Variants in MFAP3L observed in about 807,000 individuals in gnomAD.
MFAP3L encodes the protein microfibril associated protein 3 like.
A neutral mutation model predicts 20.0 loss-of-function variants in MFAP3L; 5 were observed. The observed-to-expected ratio is 0.25, with a 90% confidence interval of 0.13 to 0.53. MFAP3L has a LOEUF of 0.53. Ranked by LOEUF, MFAP3L falls within the 20% of genes least tolerant of loss-of-function variation. The probability of loss-of-function intolerance (pLI) is 0.96; values close to 1 mark genes in which losing one functional copy is unlikely to be tolerated. For missense variants in MFAP3L, 409 were observed against 527.5 expected, an observed-to-expected ratio of 0.78 and a Z score of 2.20; for synonymous variants, 219 against 213.0, an observed-to-expected ratio of 1.03 and a Z score of -0.25.
chr4:170,023,851 A>T (rs1740184287), intron 1 of MFAP3L, among the ~76,000 whole-genome samples: 1 of 152,250 alleles, frequency 6.6e-6, no homozygotes, highest in Non-Finnish European at 1.5e-5. Flanking sequence ...ATTAAGCACA[A>T]TTTAAAATGC....
At chr4:170,025,258 G>A (rs931116815) in intron 1 of MFAP3L, among the ~76,000 whole-genome samples, 4 of 152,152 alleles carry the variant, frequency 2.6e-5, no homozygotes, top group South Asian at 2.1e-4. Context: ...ATTTTACTAT[G>A]TTCAGCATAG....
At chr4:170,006,044 A>G (rs1311784580) in intron 1 of MFAP3L, 34 bp from the exon 2 acceptor site, 2 of 1,383,908 alleles carry the variant, frequency 1.4e-6, no homozygotes, top group African/African-American at 1.5e-5. Flanking sequence ...TATACACATA[A>G]ACATTAGCAT....
intron 1 of MFAP3L, among the ~76,000 whole-genome samples, chr4:170,018,474 C>T (rs1292916488): frequency 1.3e-5 from 2 of 152,064 alleles, no homozygotes; most frequent in African/African-American, 2.4e-5. Context: ...TACTTAGGCA[C>T]AAGAACTAAC....
rs1248702898 is a variant in MFAP3L at position 169,987,220 on chromosome 4, G to GA, written c.*4157dup. The GA allele has an allele frequency of 6.6e-6, 1 of 152,084 alleles. No homozygotes were observed. Among genetic ancestry groups the GA allele is most frequent in the Non-Finnish European group, 1.5e-5 (1 of 68,008 alleles). The allele number at this position is 152,084 out of a possible 1,614,324, so 9.4% of individuals were successfully genotyped here. A position where few individuals can be genotyped will look rare whatever the true frequency, so the allele number is the denominator to read the frequency against. ...GAAGAAACCCTAAAAATGTCATTAG[G>GA]AAAATAAACTGTGCTATTTACTGAA... On this transcript the variant is annotated 3_prime_UTR_variant, in exon 3 of 3. Coordinates refer to ENST00000361618, the MANE Select transcript of MFAP3L (RefSeq NM_021647.8).
intron 2 of MFAP3L, among the ~76,000 whole-genome samples, chr4:169,999,723 T>C (rs1275555532): frequency 6.6e-6 from 1 of 152,206 alleles, no homozygotes; most frequent in Non-Finnish European, 1.5e-5. Flanking sequence ...AACACACAAA[T>C]GGCGGTTACC....
In MFAP3L at chr4:169,992,048, T is replaced by C. The variant is rs1319657092; in HGVS notation, c.560A>G (p.Asn187Ser). The change falls in exon 3 of 3, where the codon AAT (asparagine) becomes AGT (serine). Residue 187 changes from asparagine (N) to serine (S), a missense_variant. This residue lies in a region of MFAP3L where 127 missense variants were observed against 218.1 expected (regional missense o/e 0.58). Coordinates refer to ENST00000361618, the MANE Select transcript of MFAP3L (RefSeq NM_021647.8). This position sits in a 1 kb window ranked among gnomAD's most constrained non-coding sequence, Gnocchi z 4.3. ...SHLKKTEKAINEFFRTEGAEK... is the reference protein window; with the variant it reads ...SHLKKTEKAISEFFRTEGAEK... ...TGCACCTTCGGTCCTAAAGAACTCATTGATGGCCTTCTCAGTCTTCTTTAG... is the reference window on the plus strand; with the variant it reads ...TGCACCTTCGGTCCTAAAGAACTCACTGATGGCCTTCTCAGTCTTCTTTAG... The C allele has an allele frequency of 6.2e-7, 1 of 1,614,182 alleles. No individual in the cohort carries two copies. The highest frequency in any genetic ancestry group is 1.7e-5 in the Admixed American group (1 of 60,018).
intron 1 of MFAP3L, among the ~76,000 whole-genome samples, chr4:170,008,777 C>T (rs1739196579): frequency 6.6e-6 from 1 of 152,210 alleles, no homozygotes; most frequent in Non-Finnish European, 1.5e-5. Context: ...CTTGACACTG[C>T]TCCCTGGTGT....
chr4:170,003,620 G>A (rs1191335489), intron 2 of MFAP3L: 2 of 899,426 alleles, frequency 2.2e-6, no homozygotes, highest in African/African-American at 3.6e-5. Flanking sequence ...TTCCTCTCTA[G>A]GACTGAGGAG....
At chr4:170,004,313 A>G (rs1042074570) in intron 2 of MFAP3L, among the ~76,000 whole-genome samples, 1 of 152,164 alleles carries the variant, frequency 6.6e-6, no homozygotes, top group African/African-American at 2.4e-5. Context: ...AATGTCTTCA[A>G]TGTGAGTTCT....
At position 169,991,310 on chromosome 4, in the gene MFAP3L, GTAC is replaced by G. The variant is rs1483396386; in HGVS notation, c.*65_*67del. On this transcript the variant is annotated 3_prime_UTR_variant, in exon 3 of 3. Transcript: ENST00000361618. The surrounding 1 kb of genome is among the most constrained non-coding windows in gnomAD (Gnocchi z 4.9). ...CCTGGTAAGGCTTAGCGGCAAGTGC[GTAC>G]TACATCTGTATTACAAGGAGCAGCC... 5 of 1,498,068 alleles carry G rather than the reference GTAC, an allele frequency of 3.3e-6. No individual in the cohort carries two copies. In the African/African-American group the frequency reaches 7.0e-5, roughly 21 times the overall value. 92.8% of individuals were successfully genotyped at this position (1,498,068 alleles called of 1,614,324 possible).
In MFAP3L at chr4:170,026,358, G is replaced by A. The variant is rs1730415368; in HGVS notation, c.-258C>T. On this transcript the variant is annotated 5_prime_UTR_variant, in exon 1 of 3. Coordinates refer to ENST00000361618, the MANE Select transcript of MFAP3L (RefSeq NM_021647.8). ...CGCCTACTGCGGGCGAGCCGCCTCC[G>A]CCGGCGCCTCACAGCGTTGCGAGCT... The A allele has an allele frequency of 2.2e-6, 2 of 900,452 alleles. No homozygotes were observed. Among genetic ancestry groups the A allele is most frequent in the African/African-American group, 1.8e-5 (1 of 55,442 alleles). The allele number at this position is 900,452 out of a possible 1,614,324, so 55.8% of individuals were successfully genotyped here.
chr4:170,007,114 C>G (rs964566043), intron 1 of MFAP3L: 11 of 152,248 alleles, frequency 7.2e-5, no homozygotes, highest in African/African-American at 2.6e-4. Context: ...TGAAGGGGTA[C>G]CTGGTGATGA....
chr4:170,025,243 G>A lies in MFAP3L; in HGVS notation c.-134+991C>T, dbSNP rs1270001418. 2.0e-5 allele frequency among the ~76,000 whole-genome samples: 3 copies of A among 152,132 alleles called. No homozygotes were observed. In the East Asian group the frequency reaches 5.8e-4, roughly 29 times the overall value. On this transcript the variant is annotated intron_variant, in intron 1 of 2. Transcript: ENST00000361618. ...TTTTTTCCATCTTGTATTTCATCTTGAAGGATTTTACTATGTTCAGCATAG... is the reference window on the plus strand; with the variant it reads ...TTTTTTCCATCTTGTATTTCATCTTAAAGGATTTTACTATGTTCAGCATAG...
At chr4:170,001,003 A>G (rs1277152581) in intron 2 of MFAP3L, among the ~76,000 whole-genome samples, 1 of 152,148 alleles carries the variant, frequency 6.6e-6, no homozygotes, top group Non-Finnish European at 1.5e-5. Flanking sequence ...GATTATAGCC[A>G]TGAGCCACTG....
At position 170,012,201 on chromosome 4, in the gene MFAP3L, G is replaced by A. The variant is rs1031961497; in HGVS notation, c.-133-6191C>T. Among the ~76,000 whole-genome samples, 15 of 152,112 alleles carry A rather than the reference G, an allele frequency of 9.9e-5. No homozygotes were observed. The East Asian group carries it at 2.1e-3, about 22-fold the overall frequency. On this transcript the variant is annotated intron_variant, in intron 1 of 2. Transcript: ENST00000361618. ...TACAATATCCAGGAAGGAAATGAAC[G>A]GGGGCCTGAACCAAAAGCAGTGGGG...
intron 2 of MFAP3L, among the ~76,000 whole-genome samples, chr4:169,999,251 T>C (rs972260665): frequency 6.6e-6 from 1 of 152,130 alleles, no homozygotes; most frequent in African/African-American, 2.4e-5. Context: ...AATTCTTACA[T>C]CATGTAGAGC....
intron 1 of MFAP3L, among the ~76,000 whole-genome samples, chr4:170,007,675 A>G (rs982718482): frequency 5.3e-5 from 8 of 152,218 alleles, no homozygotes; most frequent in South Asian, 2.1e-4. Context: ...TAAATTATAA[A>G]TAATTATAAA....
intron 1 of MFAP3L, among the ~76,000 whole-genome samples, chr4:170,013,658 G>C (rs900495960): frequency 3.3e-5 from 5 of 152,210 alleles, no homozygotes; most frequent in African/African-American, 1.2e-4. Flanking sequence ...TTGTTTTCTT[G>C]GTTCCATAAA....
At chr4:170,021,273 A>C (rs1365858469) in intron 1 of MFAP3L, among the ~76,000 whole-genome samples, 2 of 152,226 alleles carry the variant, frequency 1.3e-5, no homozygotes, top group Non-Finnish European at 2.9e-5. Flanking sequence ...TTCCCTGCCC[A>C]CAGATAGAGT....
Sources: allele counts gnomAD v4.1 joint callset (sites outside exome capture counted in the v4.1 genomes callset), GRCh38; gene constraint gnomAD v4.1.1; regional missense constraint gnomAD v4.1.1; non-coding constraint Gnocchi (gnomAD v3.1); transcripts MANE v1.5; gene names NCBI Gene and HGNC (gene_info 2026-07-23, HGNC 2026-07-21).